LRRC4C: variants seen among roughly 807,000 people sequenced by gnomAD.
LRRC4C encodes leucine rich repeat containing 4C, also known as leucine-rich repeat-containing protein 4C.
LRRC4C carries 5 observed loss-of-function variants against 33.6 expected under a neutral mutation model. The observed-to-expected ratio is 0.15, with a 90% CI of 0.08 to 0.31. LRRC4C has a LOEUF of 0.31. Ranked by LOEUF, LRRC4C falls within the 10% of genes least tolerant of loss-of-function variation. The pLI is 1.00. For missense variants in LRRC4C, 560 were observed against 796.7 expected, an observed-to-expected ratio of 0.70 and a Z score of 3.58; for synonymous variants, 329 against 302.0, an observed-to-expected ratio of 1.09 and a Z score of -0.93.
intron 1 of LRRC4C, among the ~76,000 whole-genome samples, chr11:41,189,516 GT>G (rs1334311260): frequency 6.6e-6 from 1 of 152,110 alleles, no homozygotes; most frequent in East Asian, 1.9e-4. Flanking sequence ...AAATGGGAAA[GT>G]TTAAATGGGA....
rs191668065 is a variant in LRRC4C, at chr11:40,731,367, C to T, written c.-406-83089G>A. 1.4e-3 allele frequency among the ~76,000 whole-genome samples: 211 copies of T among 152,028 alleles called. 1 individual carries two copies. The highest frequency in any genetic ancestry group is 4.7e-3 in the African/African-American group (197 of 41,494). On this transcript the variant is annotated intron_variant, in intron 2 of 6. Coordinates refer to ENST00000528697, the MANE Select transcript of LRRC4C (RefSeq NM_001258419.2). Reference sequence around the variant, plus strand: ...AGTGTGAGGCACCTCCTCTCCCCACCGCCCCTTGCTCCTGCTCTGGCCATG... The same window carrying T: ...AGTGTGAGGCACCTCCTCTCCCCACTGCCCCTTGCTCCTGCTCTGGCCATG...
chr11:40,447,311 A>T (rs1951681821), intron 3 of LRRC4C, among the ~76,000 whole-genome samples: 1 of 152,080 alleles, frequency 6.6e-6, no homozygotes, highest in African/African-American at 2.4e-5. Context: ...CAAATAGAGA[A>T]CTCTAGAAGC....
chr11:40,205,522 G>A (rs141381867), intron 5 of LRRC4C, among the ~76,000 whole-genome samples: 24 of 152,078 alleles, frequency 1.6e-4, no homozygotes, highest in Admixed American at 3.3e-4. Context: ...TTGAAAACTC[G>A]ATGATGTTCA....
intron 1 of LRRC4C, among the ~76,000 whole-genome samples, chr11:41,232,656 T>A (rs1022566487): frequency 1.3e-5 from 2 of 151,800 alleles, no homozygotes; most frequent in Non-Finnish European, 2.9e-5. Flanking sequence ...CATTAAATAA[T>A]TGAAATACAA....
intron 3 of LRRC4C, among the ~76,000 whole-genome samples, chr11:40,606,976 C>T (rs1178970199): frequency 6.6e-6 from 1 of 152,026 alleles, no homozygotes; most frequent in African/African-American, 2.4e-5. Context: ...ATTGACTTAT[C>T]AAATACAAGG....
intron 3 of LRRC4C, among the ~76,000 whole-genome samples, chr11:40,426,207 G>A (rs1361224102): frequency 6.6e-6 from 1 of 151,916 alleles, no homozygotes; most frequent in Non-Finnish European, 1.5e-5. Flanking sequence ...TAGAGACGGG[G>A]TTTCACCATG....
chr11:40,217,464 G>C (rs1193314547), intron 5 of LRRC4C, among the ~76,000 whole-genome samples: 1 of 151,986 alleles, frequency 6.6e-6, no homozygotes, highest in Non-Finnish European at 1.5e-5. Context: ...GCTCTGGATT[G>C]AGTCCTGATT....
intron 2 of LRRC4C, among the ~76,000 whole-genome samples, chr11:40,846,023 T>G (rs1249092314): frequency 3.4e-4 from 5 of 14,720 alleles, no homozygotes; most frequent in Non-Finnish European, 1.5e-3. Context: ...TTCTGATGTT[T>G]TTTTTTTTTT....
chr11:41,110,056 C>A (rs569563293), intron 1 of LRRC4C, among the ~76,000 whole-genome samples: 2 of 152,112 alleles, frequency 1.3e-5, no homozygotes, highest in East Asian at 3.9e-4. Context: ...GGTTTTTCCT[C>A]AACCCACTAT....
intron 2 of LRRC4C, among the ~76,000 whole-genome samples, chr11:40,769,676 T>C (rs938768931): frequency 6.6e-6 from 1 of 152,100 alleles, no homozygotes; most frequent in African/African-American, 2.4e-5. Flanking sequence ...AGTAAATCCA[T>C]ACATCTACCA....
chr11:40,434,382 G>A (rs1340202211), intron 3 of LRRC4C, among the ~76,000 whole-genome samples: 1 of 152,196 alleles, frequency 6.6e-6, no homozygotes, highest in African/African-American at 2.4e-5. Context: ...CTATCTGGTA[G>A]AGAGTGATAA....
At chr11:40,157,027 A>C (rs1433247298) in intron 5 of LRRC4C, among the ~76,000 whole-genome samples, 1 of 152,224 alleles carries the variant, frequency 6.6e-6, no homozygotes, top group Non-Finnish European at 1.5e-5. Context: ...CTATAAGGCC[A>C]TAGTCACCAA....
chr11:41,309,339 C>T (rs1457428916), intron 1 of LRRC4C, among the ~76,000 whole-genome samples: 3 of 152,170 alleles, frequency 2.0e-5, no homozygotes, highest in African/African-American at 7.2e-5. Context: ...CAATTACCAT[C>T]CACTAAGAAG....
At chr11:41,425,724 T>C (rs1955016214) in intron 1 of LRRC4C, among the ~76,000 whole-genome samples, 1 of 152,144 alleles carries the variant, frequency 6.6e-6, no homozygotes, top group Non-Finnish European at 1.5e-5. Flanking sequence ...ATTTACATTC[T>C]AGTATCATAA....
chr11:40,599,855 G>A (rs1361960895), intron 3 of LRRC4C, among the ~76,000 whole-genome samples: 1 of 152,174 alleles, frequency 6.6e-6, no homozygotes, highest in Non-Finnish European at 1.5e-5. Context: ...ATAAGAATAA[G>A]AGGAAAGCTT....
intron 2 of LRRC4C, among the ~76,000 whole-genome samples, chr11:40,858,036 G>C (rs1219040386): frequency 6.6e-6 from 1 of 150,476 alleles, no homozygotes; most frequent in Non-Finnish European, 1.5e-5. Context: ...GGGAAGGGAA[G>C]GGAAGGGAAG....
At chr11:40,748,861 T>TA (rs1441963812) in intron 2 of LRRC4C, among the ~76,000 whole-genome samples, 2 of 151,956 alleles carry the variant, frequency 1.3e-5, no homozygotes, top group East Asian at 1.9e-4. Flanking sequence ...AGACATTAAG[T>TA]AAAAAACTGT....
At chr11:40,300,222 A>G (rs1944704464) in intron 4 of LRRC4C, among the ~76,000 whole-genome samples, 3 of 152,166 alleles carry the variant, frequency 2.0e-5, no homozygotes, top group Admixed American at 6.5e-5. Flanking sequence ...ATCTGCCTAC[A>G]TGATCCAGTC....
At chr11:40,794,417 C>G (rs1950746351) in intron 2 of LRRC4C, among the ~76,000 whole-genome samples, 1 of 143,838 alleles carries the variant, frequency 7.0e-6, no homozygotes, top group African/African-American at 2.6e-5. Context: ...GGACAGGGAT[C>G]GGAGGATAAA....
Sources: gnomAD v4.1 joint callset for allele counts (sites outside exome capture counted in the v4.1 genomes callset) on GRCh38, gnomAD v4.1.1 for gene constraint, MANE v1.5 for transcripts, NCBI Gene and HGNC (gene_info 2026-07-23, HGNC 2026-07-21) for gene names.